ATRNL1: variants seen among roughly 807,000 people sequenced by gnomAD.
The protein encoded by ATRNL1 is attractin like 1.
A neutral mutation model predicts 182.7 loss-of-function variants in ATRNL1; 95 were observed. That is an observed-to-expected ratio of 0.52 (90% confidence interval 0.44 to 0.62). The LOEUF is 0.62. ATRNL1 is among the 20% of genes least tolerant of loss of function. ATRNL1 has a pLI of 0.00. For synonymous variants in ATRNL1, 576 were observed against 568.3 expected (o/e 1.01, Z -0.19); for missense variants, 1,471 against 1,679.5 (o/e 0.88, Z 2.17).
Position 115,802,905 on chromosome 10 carries a change from G to C in ATRNL1, c.3904-44972G>C, listed in dbSNP as rs190459287. ...CTGTTTTACATGTCCTTTTAGGAAG[G>C]GTTCATTTCCCATTGACAGGCAAAA... On this transcript the variant is annotated intron_variant, in intron 27 of 28. Transcript: ENST00000355044. Among the ~76,000 whole-genome samples, 220 of 152,206 alleles carry C rather than the reference G, an allele frequency of 1.4e-3. 2 individuals carry two copies. The highest frequency in any genetic ancestry group is 1.4e-3 in the Non-Finnish European group (96 of 68,000).
intron 26 of ATRNL1, among the ~76,000 whole-genome samples, chr10:115,667,211 A>G (rs1555039938): frequency 6.6e-6 from 1 of 152,076 alleles, no homozygotes; most frequent in African/African-American, 2.4e-5. Context: ...TGAGATCAGG[A>G]TATTGTCTCC....
intron 26 of ATRNL1, among the ~76,000 whole-genome samples, chr10:115,699,979 G>T (rs943500542): frequency 6.6e-6 from 1 of 152,078 alleles, no homozygotes; most frequent in Non-Finnish European, 1.5e-5. Flanking sequence ...TTAGGATAAC[G>T]GCCTTCAGCT....
At chr10:115,939,810 G>C (rs1187211260) in intron 28 of ATRNL1, among the ~76,000 whole-genome samples, 1 of 152,130 alleles carries the variant, frequency 6.6e-6, no homozygotes, top group Admixed American at 6.5e-5. Flanking sequence ...TCCTCCTATG[G>C]CACAAGAAGT....
At chr10:115,899,841 G>C (rs1050133530) in intron 28 of ATRNL1, among the ~76,000 whole-genome samples, 1 of 152,072 alleles carries the variant, frequency 6.6e-6, no homozygotes, top group Non-Finnish European at 1.5e-5. Context: ...ATGGTTAAAA[G>C]AATCTCAAGA....
At position 115,637,824 on chromosome 10, in the gene ATRNL1, C is replaced by T. The variant is rs193289779; in HGVS notation, c.3795+88288C>T. 7.9e-4 allele frequency among the ~76,000 whole-genome samples: 120 copies of T among 151,856 alleles called. 1 individual carries two copies. The highest frequency in any genetic ancestry group is 2.6e-3 in the African/African-American group (108 of 41,442). On this transcript the variant is annotated intron_variant, in intron 26 of 28. Transcript: ENST00000355044. The stretch of plus-strand genomic sequence containing the variant: ...TTTGTTAGTAGAGACAGAGTTTCAC[C>T]GTGTTGGTCAGGATGGTCTCGAACT...
intron 27 of ATRNL1, among the ~76,000 whole-genome samples, chr10:115,734,496 T>G (rs1364842995): frequency 1.3e-5 from 2 of 152,142 alleles, no homozygotes; most frequent in Non-Finnish European, 2.9e-5. Flanking sequence ...AATCCTTTTC[T>G]ATTTTAATAG....
intron 28 of ATRNL1, among the ~76,000 whole-genome samples, chr10:115,869,463 G>A (rs1951525322): frequency 6.6e-6 from 1 of 152,128 alleles, no homozygotes. Flanking sequence ...ATGCCTGCAT[G>A]CACAGGTGCT....
At chr10:115,618,819 A>G (rs1226123105) in intron 26 of ATRNL1, among the ~76,000 whole-genome samples, 2 of 152,032 alleles carry the variant, frequency 1.3e-5, no homozygotes, top group African/African-American at 4.8e-5. Context: ...TGCATTTAAA[A>G]CATTTTCTTC....
intron 27 of ATRNL1, among the ~76,000 whole-genome samples, chr10:115,729,591 G>T (rs139595154): frequency 9.4e-5 from 14 of 148,942 alleles, no homozygotes; most frequent in African/African-American, 3.2e-4. Context: ...TCCATAAACT[G>T]ATTTTCATCT....
At chr10:115,117,410 A>G (rs1361666474) in intron 1 of ATRNL1, among the ~76,000 whole-genome samples, 2 of 151,918 alleles carry the variant, frequency 1.3e-5, no homozygotes, top group African/African-American at 2.4e-5. Context: ...CCATGGGTTC[A>G]ATTGTTTTGC....
At chr10:115,625,606 C>G (rs1469246432) in intron 26 of ATRNL1, among the ~76,000 whole-genome samples, 1 of 151,992 alleles carries the variant, frequency 6.6e-6, no homozygotes, top group Admixed American at 6.5e-5. Context: ...CTAGAAACAC[C>G]TTTGCAGGTG....
intron 19 of ATRNL1, among the ~76,000 whole-genome samples, chr10:115,383,535 A>G (rs998874945): frequency 2.0e-5 from 3 of 151,962 alleles, no homozygotes; most frequent in East Asian, 3.9e-4. Context: ...GTTTATATTT[A>G]TAAAATTGAA....
At chr10:115,170,536 A>G (rs1476536256) in intron 7 of ATRNL1, among the ~76,000 whole-genome samples, 1 of 152,124 alleles carries the variant, frequency 6.6e-6, no homozygotes, top group Admixed American at 6.6e-5. Flanking sequence ...GAAAACAGTA[A>G]ATAACTGAGA....
intron 27 of ATRNL1, among the ~76,000 whole-genome samples, chr10:115,801,760 T>C (rs528128186): frequency 6.6e-6 from 1 of 152,212 alleles, no homozygotes; most frequent in Non-Finnish European, 1.5e-5. Context: ...CCTTGGAAGA[T>C]AAAAATAGCA....
At chr10:115,299,395 AGC>A (rs1172879685) in intron 15 of ATRNL1, among the ~76,000 whole-genome samples, 1 of 152,074 alleles carries the variant, frequency 6.6e-6, no homozygotes, top group East Asian at 1.9e-4. Flanking sequence ...TATAGGCACG[AGC>A]ATCAGATTTT....
chr10:115,936,608 C>T (rs1372532282), intron 28 of ATRNL1, among the ~76,000 whole-genome samples: 1 of 152,140 alleles, frequency 6.6e-6, no homozygotes, highest in Non-Finnish European at 1.5e-5. Flanking sequence ...AAAACACTTT[C>T]ACATACATAA....
intron 1 of ATRNL1, among the ~76,000 whole-genome samples, chr10:115,115,178 T>C (rs1339507776): frequency 1.1e-4 from 16 of 151,808 alleles, no homozygotes; most frequent in African/African-American, 3.6e-4. Flanking sequence ...ATCTAAAAAT[T>C]TGAATCAATT....
chr10:115,335,206 C>T lies in ATRNL1; in HGVS notation c.3175+787C>T, dbSNP rs1390163312. Among the ~76,000 whole-genome samples, 7 of 151,692 alleles carry T rather than the reference C, an allele frequency of 4.6e-5. No homozygotes were observed. In the South Asian group the frequency reaches 1.0e-3, roughly 23 times the overall value. ...TTTAAAGTAGAATTTAATAGAAATC[C>T]TTCATTATCTCTAGATTGGAACTTG... On this transcript the variant is annotated intron_variant, in intron 19 of 28. Transcript: ENST00000355044.
intron 24 of ATRNL1, among the ~76,000 whole-genome samples, chr10:115,495,022 T>A (rs1283298337): frequency 2.0e-5 from 3 of 152,180 alleles, no homozygotes; most frequent in Admixed American, 6.5e-5. Context: ...GAACTCATTA[T>A]TTGTCTGTTC....
Sources: gnomAD v4.1 joint callset for allele counts (sites outside exome capture counted in the v4.1 genomes callset) on GRCh38, gnomAD v4.1.1 for gene constraint, MANE v1.5 for transcripts, NCBI Gene and HGNC (gene_info 2026-07-23, HGNC 2026-07-21) for gene names.